Variants in SV2C observed in about 807,000 individuals in gnomAD.
SV2C encodes synaptic vesicle glycoprotein 2C.
SV2C carries 49 observed loss-of-function variants against 79.7 expected under a neutral mutation model. The observed-to-expected ratio is 0.61, with a 90% CI of 0.49 to 0.78. SV2C has a LOEUF of 0.78. SV2C is among the 30% of genes least tolerant of loss of function. The pLI, the probability that SV2C is intolerant of heterozygous loss-of-function variation, is 0.00. For synonymous variants in SV2C, 334 were observed against 333.2 expected (o/e 1.00, Z -0.03); for missense variants, 833 against 912.9 (o/e 0.91, Z 1.13).
chr5:76,022,625 C>T, the SV2C span, among the ~76,000 whole-genome samples: 1 of 152,188 alleles, frequency 6.6e-6, no homozygotes, highest in African/African-American at 2.4e-5. Flanking sequence ...TTTTTGGGAA[C>T]CACTCTGTCC....
chr5:75,941,089 A>C, the SV2C span, among the ~76,000 whole-genome samples: 1 of 152,186 alleles, frequency 6.6e-6, no homozygotes, highest in Non-Finnish European at 1.5e-5. Flanking sequence ...TTCTTCATGA[A>C]TGATCATTCT....
the SV2C span, among the ~76,000 whole-genome samples, chr5:75,857,673 C>T: frequency 0.025 from 3,744 of 152,144 alleles, 159 homozygotes; most frequent in African/African-American, 0.085. Flanking sequence ...GGGGATTGCA[C>T]GGAGTCTGTA....
At chr5:76,353,238 C>T (rs246791) in exon 13 of SV2C, 3,253 of 295,522 alleles carry the variant, frequency 0.011, 35 homozygotes, top group Middle Eastern at 0.022. Context: ...AGCCACTGCA[C>T]CTGGCTTTCT....
the SV2C span, among the ~76,000 whole-genome samples, chr5:75,877,328 A>G: frequency 0.019 from 2,870 of 152,190 alleles, 45 homozygotes; most frequent in Middle Eastern, 0.044. Context: ...TTCAACAACA[A>G]TAATTGGAAA....
the SV2C span, among the ~76,000 whole-genome samples, chr5:75,924,060 T>C: frequency 6.6e-6 from 1 of 152,202 alleles, no homozygotes; most frequent in Admixed American, 6.5e-5. Flanking sequence ...ATATACACCA[T>C]AGAATACTAC....
At chr5:76,303,998 T>C (rs1748101404) in intron 12 of SV2C, among the ~76,000 whole-genome samples, 1 of 152,178 alleles carries the variant, frequency 6.6e-6, no homozygotes, top group Non-Finnish European at 1.5e-5. Flanking sequence ...CCAGGGATCA[T>C]GACAACATCA....
chr5:76,324,578 T>C (rs1748927771), intron 12 of SV2C, among the ~76,000 whole-genome samples: 1 of 152,038 alleles, frequency 6.6e-6, no homozygotes, highest in Admixed American at 6.5e-5. Flanking sequence ...GTATAGTGGC[T>C]CATGCCTGTA....
the SV2C span, among the ~76,000 whole-genome samples, chr5:75,984,569 A>G: frequency 0.21 from 13,699 of 65,506 alleles, 756 homozygotes; most frequent in East Asian, 0.31. Context: ...ATCTATCTAT[A>G]TCTATCTATC....
chr5:76,089,369 T>C (rs567084873), intron 1 of SV2C, among the ~76,000 whole-genome samples: 116 of 152,364 alleles, frequency 7.6e-4, no homozygotes, highest in South Asian at 1.9e-3. Flanking sequence ...CATTCCTTTT[T>C]ATGGCTGCAT....
At chr5:76,020,521 G>A in the SV2C span, among the ~76,000 whole-genome samples, 2 of 152,136 alleles carry the variant, frequency 1.3e-5, no homozygotes, top group Non-Finnish European at 2.9e-5. Flanking sequence ...TAACGGCGAG[G>A]GTAGCTCATC....
At chr5:75,905,120 C>T in the SV2C span, among the ~76,000 whole-genome samples, 1 of 152,196 alleles carries the variant, frequency 6.6e-6, no homozygotes, top group Non-Finnish European at 1.5e-5. Context: ...ATCATGAAGT[C>T]ATGAGTTATT....
At chr5:76,041,660 T>A in the SV2C span, among the ~76,000 whole-genome samples, 4 of 152,088 alleles carry the variant, frequency 2.6e-5, no homozygotes, top group South Asian at 6.2e-4. Flanking sequence ...CAGAGGCGGG[T>A]CATAGGAAAG....
chr5:75,997,379 A>AC, the SV2C span, among the ~76,000 whole-genome samples: 1 of 151,658 alleles, frequency 6.6e-6, no homozygotes, highest in Non-Finnish European at 1.5e-5. Flanking sequence ...GCAGCAAAAA[A>AC]ACCTACCATC....
chr5:75,880,869 A>G, the SV2C span, among the ~76,000 whole-genome samples: 1 of 152,180 alleles, frequency 6.6e-6, no homozygotes, highest in Non-Finnish European at 1.5e-5. Flanking sequence ...AGGCTGGGTA[A>G]TTTATAAAGA....
At chr5:76,335,246 G>T (rs1340039892), downstream of SV2C, among the ~76,000 whole-genome samples, 2 of 151,956 alleles carry the variant, frequency 1.3e-5, no homozygotes, top group Non-Finnish European at 2.9e-5. Context: ...CTTCTTCCAG[G>T]TTCTCTCCCC....
chr5:76,077,003 G>A, the SV2C span, among the ~76,000 whole-genome samples: 21 of 152,220 alleles, frequency 1.4e-4, no homozygotes, highest in African/African-American at 2.6e-4. Flanking sequence ...CAAACATCTC[G>A]TAAAAGGATA....
the SV2C span, among the ~76,000 whole-genome samples, chr5:75,906,231 G>C: frequency 6.6e-6 from 1 of 152,074 alleles, no homozygotes; most frequent in East Asian, 1.9e-4. Context: ...TCAGACTTCT[G>C]GCCTCCAGAA....
intron 2 of SV2C, among the ~76,000 whole-genome samples, chr5:76,165,526 C>T (rs747938527): frequency 1.3e-4 from 20 of 152,296 alleles, no homozygotes; most frequent in Admixed American, 3.3e-4. Flanking sequence ...TAACCCCTGG[C>T]AACAATTAAT....
the SV2C span, among the ~76,000 whole-genome samples, chr5:75,850,870 A>C: frequency 5.4e-3 from 818 of 152,236 alleles, 10 homozygotes; most frequent in African/African-American, 0.019. Context: ...GCAGTGAGCT[A>C]ACTTGGATTT....
Sources: allele counts gnomAD v4.1 joint callset (sites outside exome capture counted in the v4.1 genomes callset), GRCh38; gene constraint gnomAD v4.1.1; transcripts MANE v1.5; gene names NCBI Gene and HGNC (gene_info 2026-07-23, HGNC 2026-07-21).